The following LINGO2 variants were observed in gnomAD, a reference collection of about 807,000 sequenced individuals.
LINGO2 encodes the protein leucine-rich repeat and immunoglobulin-like domain-containing nogo receptor-interacting protein 2.
Under a neutral mutation model 30.6 loss-of-function variants are expected in LINGO2, and 14 were observed. The ratio of observed to expected loss-of-function variants is 0.46; its 90% CI spans 0.30 to 0.72. The LOEUF is 0.72. Ranked by LOEUF, LINGO2 falls within the 30% of genes least tolerant of loss-of-function variation. The probability of loss-of-function intolerance (pLI) is 0.07; values close to 1 mark genes in which losing one functional copy is unlikely to be tolerated. For synonymous variants in LINGO2, 317 were observed against 288.5 expected, an observed-to-expected ratio of 1.10 and a Z score of -1.00; for missense variants, 729 against 751.7, an observed-to-expected ratio of 0.97 and a Z score of 0.35.
At chr9:28,203,206 TTCAATGTGTTCACTGTG>T (rs1337966714) in intron 4 of LINGO2, among the ~76,000 whole-genome samples, 72 of 152,328 alleles carry the variant, frequency 4.7e-4, no homozygotes, top group African/African-American at 1.7e-3. Context: ...ACTATAGTGT[TTCAATGTGTTCACTGTG>T]TCAATGTGTT....
At chr9:28,586,298 C>T (rs1346164486) in intron 1 of LINGO2, among the ~76,000 whole-genome samples, 2 of 152,006 alleles carry the variant, frequency 1.3e-5, no homozygotes, top group African/African-American at 2.4e-5. Context: ...TGCCCTGCCT[C>T]CCAGTGGTAA....
chr9:28,790,756 AGTTT>A, the LINGO2 span, among the ~76,000 whole-genome samples: 1 of 152,206 alleles, frequency 6.6e-6, no homozygotes, highest in African/African-American at 2.4e-5. Flanking sequence ...TTGTTATAAT[AGTTT>A]ATCAGTTATT....
intron 5 of LINGO2, among the ~76,000 whole-genome samples, chr9:27,991,174 T>A (rs141316288): frequency 5.9e-4 from 89 of 152,124 alleles, no homozygotes; most frequent in African/African-American, 2.0e-3. Context: ...TCAAAGCACT[T>A]AGATTCAGGT....
the LINGO2 span, among the ~76,000 whole-genome samples, chr9:28,991,263 C>A: frequency 2.6e-5 from 4 of 151,068 alleles, no homozygotes; most frequent in Non-Finnish European, 4.4e-5. Flanking sequence ...GAAAGGGTAT[C>A]AGCAATGGAA....
intron 3 of LINGO2, among the ~76,000 whole-genome samples, chr9:28,351,392 A>C (rs543614602): frequency 6.6e-5 from 10 of 151,164 alleles, no homozygotes; most frequent in Non-Finnish European, 1.2e-4. Context: ...ATAAACTAGA[A>C]AATCTAGAAG....
At chr9:28,308,232 G>C (rs1255077897) in intron 3 of LINGO2, among the ~76,000 whole-genome samples, 1 of 128,530 alleles carries the variant, frequency 7.8e-6, no homozygotes, top group African/African-American at 2.6e-5. Flanking sequence ...CCAAAACAGA[G>C]ATATAGATCA....
intron 3 of LINGO2, among the ~76,000 whole-genome samples, chr9:28,333,621 C>T (rs1212797014): frequency 6.6e-6 from 1 of 152,002 alleles, no homozygotes; most frequent in Non-Finnish European, 1.5e-5. Flanking sequence ...AAATTGAAAA[C>T]CAGTCAATCC....
At chr9:28,262,811 A>G (rs749316297) in intron 4 of LINGO2, among the ~76,000 whole-genome samples, 14 of 151,996 alleles carry the variant, frequency 9.2e-5, no homozygotes, top group Non-Finnish European at 1.8e-4. Flanking sequence ...TTAGAACACA[A>G]AATTGAAGGC....
chr9:28,642,604 TA>T (rs2135940120), intron 1 of LINGO2, among the ~76,000 whole-genome samples: 1 of 152,218 alleles, frequency 6.6e-6, no homozygotes, highest in South Asian at 2.1e-4. Context: ...CTTAAAAAAA[TA>T]GTGAAAAATC....
the LINGO2 span, among the ~76,000 whole-genome samples, chr9:28,910,954 G>T: frequency 6.6e-6 from 1 of 152,008 alleles, no homozygotes; most frequent in Non-Finnish European, 1.5e-5. Context: ...TATGAATATG[G>T]TTTTCTCTTA....
chr9:28,336,654 G>T (rs961672959), intron 3 of LINGO2, among the ~76,000 whole-genome samples: 8 of 152,140 alleles, frequency 5.3e-5, no homozygotes, highest in African/African-American at 1.2e-4. Flanking sequence ...AGTACTGTTT[G>T]TTAAAGAGAT....
At chr9:28,081,800 T>C (rs973903460) in intron 4 of LINGO2, among the ~76,000 whole-genome samples, 4 of 151,300 alleles carry the variant, frequency 2.6e-5, no homozygotes, top group African/African-American at 9.7e-5. Context: ...GCTGCATGTG[T>C]AGCACACTCT....
chr9:28,982,745 G>A, the LINGO2 span, among the ~76,000 whole-genome samples: 1 of 151,780 alleles, frequency 6.6e-6, no homozygotes, highest in East Asian at 1.9e-4. Flanking sequence ...CATCACAAAG[G>A]AGAATTATTT....
At chr9:28,436,524 C>T (rs1265469972) in intron 2 of LINGO2, among the ~76,000 whole-genome samples, 1 of 151,864 alleles carries the variant, frequency 6.6e-6, no homozygotes, top group Non-Finnish European at 1.5e-5. Context: ...GTGGCGCAGT[C>T]TCGGCTCACT....
the LINGO2 span, among the ~76,000 whole-genome samples, chr9:28,893,590 T>TACA: frequency 6.6e-6 from 1 of 151,676 alleles, no homozygotes; most frequent in Non-Finnish European, 1.5e-5. Context: ...TTTTTTTTTT[T>TACA]AATTTAAAAA....
intron 4 of LINGO2, among the ~76,000 whole-genome samples, chr9:28,028,985 T>C (rs764014034): frequency 6.6e-6 from 1 of 152,164 alleles, no homozygotes; most frequent in Non-Finnish European, 1.5e-5. Context: ...CAACTGCTTA[T>C]TGGGTGCTTC....
the LINGO2 span, among the ~76,000 whole-genome samples, chr9:28,743,961 T>G: frequency 6.6e-6 from 1 of 151,652 alleles, no homozygotes; most frequent in Admixed American, 6.6e-5. Context: ...TACTTAAATA[T>G]TCCCCATTTC....
chr9:28,699,069 AAAC>A, the LINGO2 span, among the ~76,000 whole-genome samples: 1 of 151,782 alleles, frequency 6.6e-6, no homozygotes, highest in African/African-American at 2.4e-5. Flanking sequence ...AAACAAAACA[AAAC>A]AACAAAAACA....
At chr9:28,860,250 G>T in the LINGO2 span, among the ~76,000 whole-genome samples, 1 of 151,952 alleles carries the variant, frequency 6.6e-6, no homozygotes, top group East Asian at 1.9e-4. Flanking sequence ...CCAGATATTT[G>T]GTCAGACATT....
Sources: gnomAD v4.1 joint callset for allele counts (sites outside exome capture counted in the v4.1 genomes callset) on GRCh38, gnomAD v4.1.1 for gene constraint, MANE v1.5 for transcripts, NCBI Gene and HGNC (gene_info 2026-07-23, HGNC 2026-07-21) for gene names.